Variants in PTGIS observed in about 807,000 individuals in gnomAD.
PTGIS encodes prostacyclin synthase.
A neutral mutation model predicts 50.3 loss-of-function variants in PTGIS; 45 were observed. The observed-to-expected ratio is 0.90, with a 90% confidence interval of 0.70 to 1.15. The LOEUF is 1.15. PTGIS is among the 50% of genes most tolerant of loss of function. The pLI is 0.00. For synonymous variants in PTGIS, 260 were observed against 267.7 expected (o/e 0.97, Z 0.28); for missense variants, 668 against 661.3 (o/e 1.01, Z -0.11).
At position 49,524,000 on chromosome 20, in the gene PTGIS, T is replaced by C. The variant is rs1981724527; in HGVS notation, c.855+58A>G. On this transcript the variant is annotated intron_variant, in intron 6 of 9. Coordinates refer to ENST00000244043, the MANE Select transcript of PTGIS (RefSeq NM_000961.4). The stretch of plus-strand genomic sequence containing the variant: ...GCACAGACATGCACACACACATGCG[T>C]TCATATCGCAACCACACATGCACAC... 5 of 1,599,884 alleles carry C rather than the reference T, an allele frequency of 3.1e-6. No homozygotes were observed. The East Asian group carries it at 8.9e-5, about 29-fold the overall frequency.
intron 5 of PTGIS, among the ~76,000 whole-genome samples, chr20:49,534,107 C>CT (rs1391909751): frequency 1.3e-5 from 2 of 152,036 alleles, no homozygotes; most frequent in Non-Finnish European, 2.9e-5. Flanking sequence ...CATAGATGGC[C>CT]TTTAGATGAA....
intron 3 of PTGIS, among the ~76,000 whole-genome samples, chr20:49,547,339 A>T (rs1355279259): frequency 1.3e-5 from 2 of 152,246 alleles, no homozygotes; most frequent in African/African-American, 4.8e-5. Context: ...CAGTGGCTGC[A>T]TCTATGAAAT....
chr20:49,530,177 ACT>A (rs1981901777), intron 5 of PTGIS, among the ~76,000 whole-genome samples: 1 of 150,516 alleles, frequency 6.6e-6, no homozygotes, highest in Non-Finnish European at 1.5e-5. Flanking sequence ...AAAAAATTAA[ACT>A]CTGTCATAGT....
At chr20:49,530,262 C>G (rs1424150640) in intron 5 of PTGIS, among the ~76,000 whole-genome samples, 1 of 152,052 alleles carries the variant, frequency 6.6e-6, no homozygotes, top group Non-Finnish European at 1.5e-5. Flanking sequence ...CACTGGGGGT[C>G]TTGGAACATA....
At chr20:49,524,292 C>T (rs1203294694) in intron 5 of PTGIS, 53 bp from the exon 6 acceptor site, 2 of 1,588,322 alleles carry the variant, frequency 1.3e-6, no homozygotes, top group Non-Finnish European at 1.7e-6. Flanking sequence ...ATCCCACACC[C>T]AGGGCTGGCC....
intron 5 of PTGIS, among the ~76,000 whole-genome samples, chr20:49,537,301 A>G (rs1982103488): frequency 6.6e-6 from 1 of 152,220 alleles, no homozygotes; most frequent in African/African-American, 2.4e-5. Context: ...TGCACACGGA[A>G]TCAGCCAGGA....
rs1246917449 is a variant in PTGIS at position 49,507,331 on chromosome 20, G to A, written c.*589C>T. The A allele has an allele frequency of 1.1e-5, 2 of 186,272 alleles. No individual in the cohort carries two copies. Among genetic ancestry groups the A allele is most frequent in the Non-Finnish European group, 2.3e-5 (2 of 88,292 alleles). 11.5% of individuals were successfully genotyped at this position (186,272 alleles called of 1,614,324 possible). On this transcript the variant is annotated 3_prime_UTR_variant, in exon 10 of 10. Transcript: ENST00000244043. ...CGGGAATGCATCAGCCTTGGGGGAA[G>A]CTCTCCTGCATTTTCTCAAGTAGTG...
intron 6 of PTGIS, among the ~76,000 whole-genome samples, chr20:49,516,909 C>G (rs758243523): frequency 6.6e-6 from 1 of 152,236 alleles, no homozygotes; most frequent in Non-Finnish European, 1.5e-5. Context: ...GATCCCTGGA[C>G]TGAGACCAGG....
At chr20:49,524,017 C>T (rs772616499) in intron 6 of PTGIS, 41 bp downstream of exon 6, 2 of 1,611,210 alleles carry the variant, frequency 1.2e-6, no homozygotes, top group South Asian at 2.2e-5. Context: ...CGCAACCACA[C>T]ATGCACACCT....
chr20:49,508,329 G>C (rs1297052941), intron 9 of PTGIS, among the ~76,000 whole-genome samples: 1 of 152,198 alleles, frequency 6.6e-6, no homozygotes, highest in Non-Finnish European at 1.5e-5. Flanking sequence ...AAGCATTCGC[G>C]AGCCAGTGTG....
At chr20:49,531,214 A>C (rs570854550) in intron 5 of PTGIS, among the ~76,000 whole-genome samples, 3 of 152,256 alleles carry the variant, frequency 2.0e-5, no homozygotes, top group South Asian at 4.1e-4. Flanking sequence ...AATCTGGCAA[A>C]CCCCCCAAAA....
At chr20:49,522,643 T>G (rs1981680841) in intron 6 of PTGIS, among the ~76,000 whole-genome samples, 1 of 152,166 alleles carries the variant, frequency 6.6e-6, no homozygotes, top group Admixed American at 6.5e-5. Flanking sequence ...ATGGAACTTC[T>G]AAACAATTCT....
intron 5 of PTGIS, among the ~76,000 whole-genome samples, chr20:49,525,583 CTTT>C (rs66940862): frequency 4.1e-5 from 6 of 145,598 alleles, no homozygotes; most frequent in African/African-American, 1.2e-4. Context: ...TTTTCTACTT[CTTT>C]TTTTTTTTTT....
At chr20:49,552,903 T>A (rs1378165966) in intron 1 of PTGIS, among the ~76,000 whole-genome samples, 1 of 149,552 alleles carries the variant, frequency 6.7e-6, no homozygotes, top group Non-Finnish European at 1.5e-5. Context: ...CTGCTGCCTG[T>A]CTGTCTATGT....
chr20:49,508,092 A>C, intron 9 of PTGIS, 28 bp from the exon 10 acceptor site: 1 of 1,612,954 alleles, frequency 6.2e-7, no homozygotes, highest in African/African-American at 1.3e-5. Flanking sequence ...GGAAGGTGTG[A>C]AGGAGAGGAG....
chr20:49,548,098 GTGCCAGGCAC>G (rs1475388033), intron 2 of PTGIS, 79 bp from the exon 3 acceptor site: 1 of 1,382,010 alleles, frequency 7.2e-7, no homozygotes, highest in Admixed American at 1.8e-5. Context: ...GCCTTACTGT[GTGCCAGGCAC>G]TGCCCCACTG....
At chr20:49,555,387 G>A (rs1203644492) in intron 1 of PTGIS, among the ~76,000 whole-genome samples, 3 of 152,130 alleles carry the variant, frequency 2.0e-5, no homozygotes, top group Non-Finnish European at 4.4e-5. Context: ...GATGTCAAGT[G>A]TTTTAAACTT....
chr20:49,526,254 A>C (rs569479373), intron 5 of PTGIS, among the ~76,000 whole-genome samples: 52 of 152,308 alleles, frequency 3.4e-4, no homozygotes, highest in African/African-American at 1.2e-3. Context: ...GTTGATGCCA[A>C]CTCTGGATAC....
Position 49,504,046 on chromosome 20 carries a change from ATCTCAGAGCCTGTT to A in PTGIS, c.*3860_*3873del, listed in dbSNP as rs1981070337. 2.6e-5 allele frequency: 4 copies of A among 152,228 alleles called. No individual in the cohort carries two copies. Among genetic ancestry groups the A allele is most frequent in the Admixed American group, 1.3e-4 (2 of 15,286 alleles). 9.4% of individuals were successfully genotyped at this position (152,228 alleles called of 1,614,324 possible). On this transcript the variant is annotated 3_prime_UTR_variant, in exon 10 of 10. Coordinates refer to ENST00000244043, the MANE Select transcript of PTGIS (RefSeq NM_000961.4). ...AATGACTTTGGGCAAGACCTGTGAA[ATCTCAGAGCCTGTT>A]TCTCCATCTGGAGAACAGGCAGGTA...
Sources: gnomAD v4.1 joint callset for allele counts (sites outside exome capture counted in the v4.1 genomes callset) on GRCh38, gnomAD v4.1.1 for gene constraint, MANE v1.5 for transcripts, NCBI Gene and HGNC (gene_info 2026-07-23, HGNC 2026-07-21) for gene names.